Variants in OR56B2 observed in about 807,000 individuals in gnomAD.
The protein encoded by OR56B2 is olfactory receptor 56B2.
chr11:5,767,536 AT>A, the OR56B2 span: 1 of 139,608 alleles, frequency 7.2e-6, no homozygotes, highest in African/African-American at 2.6e-5. Flanking sequence ...CACTATAATA[AT>A]TATTTTGCTG....
At chr11:5,763,013 T>C in the OR56B2 span, among the ~76,000 whole-genome samples, 1 of 152,060 alleles carries the variant, frequency 6.6e-6, no homozygotes, top group African/African-American at 2.4e-5. Context: ...ACATTGGTTT[T>C]CTTATCTAAG....
the OR56B2 span, chr11:5,766,178 T>G: frequency 7.1e-6 from 1 of 140,746 alleles, no homozygotes; most frequent in Non-Finnish European, 1.6e-5. Context: ...TGGCAACAAC[T>G]GACACTTTAG....
chr11:5,762,394 T>G, the OR56B2 span, among the ~76,000 whole-genome samples: 337 of 152,230 alleles, frequency 2.2e-3, no homozygotes, highest in Non-Finnish European at 4.2e-3. Flanking sequence ...TGTCATTTGT[T>G]TTTTATGGCT....
the OR56B2 span, among the ~76,000 whole-genome samples, chr11:5,764,192 A>G: frequency 7.1e-6 from 1 of 141,386 alleles, no homozygotes; most frequent in Non-Finnish European, 1.6e-5. Context: ...TAATTCAAAT[A>G]TTAACAAAAG....
At chr11:5,761,805 T>C in the OR56B2 span, among the ~76,000 whole-genome samples, 1 of 152,148 alleles carries the variant, frequency 6.6e-6, no homozygotes, top group East Asian at 1.9e-4. Flanking sequence ...GGCATTTTAA[T>C]AGAATTGTTA....
chr11:5,761,609 A>T, the OR56B2 span, among the ~76,000 whole-genome samples: 1 of 152,104 alleles, frequency 6.6e-6, no homozygotes, highest in Non-Finnish European at 1.5e-5. Flanking sequence ...CTCAATATTT[A>T]GCTTTTGTAT....
the OR56B2 span, among the ~76,000 whole-genome samples, chr11:5,769,042 C>T: frequency 7.2e-6 from 1 of 139,192 alleles, no homozygotes; most frequent in East Asian, 2.1e-4. Flanking sequence ...TTAATAAAAA[C>T]AAACATTTTT....
chr11:5,768,824 T>C, the OR56B2 span, among the ~76,000 whole-genome samples: 2 of 139,938 alleles, frequency 1.4e-5, no homozygotes, highest in Admixed American at 1.5e-4. Context: ...TATTTAATCA[T>C]AATACTGAAC....
the OR56B2 span, among the ~76,000 whole-genome samples, chr11:5,762,477 T>C: frequency 9.2e-5 from 14 of 152,232 alleles, no homozygotes; most frequent in East Asian, 2.7e-3. Flanking sequence ...ACCCAAAGCA[T>C]CACTGATATT....
chr11:5,761,812 G>C, the OR56B2 span, among the ~76,000 whole-genome samples: 25,762 of 151,930 alleles, frequency 0.17, 2,337 homozygotes, highest in East Asian at 0.25. Flanking sequence ...TAATAGAATT[G>C]TTAACACACT....
At chr11:5,763,133 A>G in the OR56B2 span, among the ~76,000 whole-genome samples, 5 of 152,142 alleles carry the variant, frequency 3.3e-5, no homozygotes, top group Non-Finnish European at 4.4e-5. Context: ...ATTATAATCT[A>G]TAAGAATCAG....
chr11:5,762,394 T>C, the OR56B2 span, among the ~76,000 whole-genome samples: 1 of 152,110 alleles, frequency 6.6e-6, no homozygotes, highest in Non-Finnish European at 1.5e-5. Context: ...TGTCATTTGT[T>C]TTTTATGGCT....
At chr11:5,763,182 T>C in the OR56B2 span, among the ~76,000 whole-genome samples, 14 of 152,172 alleles carry the variant, frequency 9.2e-5, no homozygotes, top group Admixed American at 9.2e-4. Flanking sequence ...CTTTCATGTT[T>C]TATAATATGT....
At chr11:5,762,265 G>A in the OR56B2 span, among the ~76,000 whole-genome samples, 1 of 151,802 alleles carries the variant, frequency 6.6e-6, no homozygotes, top group Admixed American at 6.6e-5. Flanking sequence ...AAAAATAATT[G>A]ATTTACTATA....
At chr11:5,766,283 T>C in the OR56B2 span, 2 of 140,192 alleles carry the variant, frequency 1.4e-5, no homozygotes, top group East Asian at 4.1e-4. Context: ...TCTCAAGGAA[T>C]TCAAAGAAAA....
At chr11:5,764,305 G>T in the OR56B2 span, among the ~76,000 whole-genome samples, 1 of 141,114 alleles carries the variant, frequency 7.1e-6, no homozygotes, top group Non-Finnish European at 1.6e-5. Flanking sequence ...GTCTATGTTT[G>T]TGTGTGCATG....
chr11:5,766,742 T>C, the OR56B2 span: 2 of 139,492 alleles, frequency 1.4e-5, 1 homozygote, highest in African/African-American at 5.2e-5. Context: ...AGATTAGTGT[T>C]TGCAAGTATA....
the OR56B2 span, among the ~76,000 whole-genome samples, chr11:5,768,536 T>G: frequency 7.1e-6 from 1 of 139,872 alleles, no homozygotes; most frequent in African/African-American, 2.6e-5. Flanking sequence ...TATTTTTAAG[T>G]GTAATTATTT....
the OR56B2 span, among the ~76,000 whole-genome samples, chr11:5,763,755 T>C: frequency 7.1e-6 from 1 of 140,586 alleles, no homozygotes; most frequent in African/African-American, 2.6e-5. Flanking sequence ...TGTCTGTCTC[T>C]TGGGGAAAAA....
Sources: allele counts gnomAD v4.1 joint callset (sites outside exome capture counted in the v4.1 genomes callset), GRCh38; gene constraint gnomAD v4.1.1; transcripts MANE v1.5; gene names NCBI Gene and HGNC (gene_info 2026-07-23, HGNC 2026-07-21).